The following DCC variants were observed in gnomAD, a reference collection of about 807,000 sequenced individuals.
DCC encodes netrin receptor DCC.
DCC carries 58 observed loss-of-function variants against 172.5 expected under a neutral mutation model. The ratio of observed to expected loss-of-function variants is 0.34; its 90% CI spans 0.27 to 0.42. The LOEUF (loss-of-function observed/expected upper bound fraction) is 0.42, where lower values mean the gene tolerates loss of function less well. DCC is among the 10% of genes least tolerant of loss of function. The pLI is 1.00. For missense variants in DCC, 1,740 were observed against 1,791.0 expected (o/e 0.97, Z 0.51); for synonymous variants, 709 against 644.5 (o/e 1.10, Z -1.52).
chr18:52,631,078 G>A (rs1399837630), intron 1 of DCC, among the ~76,000 whole-genome samples: 5 of 152,134 alleles, frequency 3.3e-5, no homozygotes, highest in Non-Finnish European at 7.4e-5. Flanking sequence ...CCTATTCGGA[G>A]GCCTACTTTT....
intron 1 of DCC, among the ~76,000 whole-genome samples, chr18:52,465,014 G>A (rs1483891454): frequency 6.6e-6 from 1 of 152,100 alleles, no homozygotes; most frequent in Non-Finnish European, 1.5e-5. Context: ...TTGACAGCAA[G>A]ATATTATTCT....
At chr18:52,910,195 A>G (rs2039951598) in intron 3 of DCC, among the ~76,000 whole-genome samples, 1 of 152,118 alleles carries the variant, frequency 6.6e-6, no homozygotes, top group Middle Eastern at 3.2e-3. Flanking sequence ...GAAACATATC[A>G]CATGTGGCTT....
intron 15 of DCC, among the ~76,000 whole-genome samples, chr18:53,364,247 G>A (rs2057977698): frequency 6.6e-6 from 1 of 152,128 alleles, no homozygotes; most frequent in South Asian, 2.1e-4. Flanking sequence ...GTCAAATTAG[G>A]GATGGAAATA....
intron 7 of DCC, among the ~76,000 whole-genome samples, chr18:53,076,611 G>A (rs767301861): frequency 6.6e-6 from 1 of 150,814 alleles, no homozygotes; most frequent in Non-Finnish European, 1.5e-5. Flanking sequence ...ATATAATGAG[G>A]GATTCCATGT....
At position 52,610,101 on chromosome 18, in the gene DCC, A is replaced by T. The variant is rs1332400842; in HGVS notation, c.92-141953A>T. Among the ~76,000 whole-genome samples, 3 of 136,568 alleles carry T rather than the reference A, an allele frequency of 2.2e-5. No homozygotes were observed. The Admixed American group carries it at 2.3e-4, about 10-fold the overall frequency. The allele number at this position is 136,568 out of a possible 152,430, so 89.6% of individuals were successfully genotyped here. A position where few individuals can be genotyped will look rare whatever the true frequency, so the allele number is the denominator to read the frequency against. Reference sequence around the variant, plus strand: ...TGCTGAGGCGGGTGGATCGCCTGAGATTAGGAGTTCTAGACCAACCTGGCC... The same window carrying T: ...TGCTGAGGCGGGTGGATCGCCTGAGTTTAGGAGTTCTAGACCAACCTGGCC... On this transcript the variant is annotated intron_variant, in intron 1 of 28. Transcript: ENST00000442544.
chr18:53,072,797 T>C (rs2042673621), intron 7 of DCC, among the ~76,000 whole-genome samples: 5 of 152,214 alleles, frequency 3.3e-5, no homozygotes, highest in Admixed American at 3.3e-4. Context: ...CATATTTGGC[T>C]GTGTGGTGGA....
chr18:52,918,936 CAA>C (rs1241907740), intron 3 of DCC, among the ~76,000 whole-genome samples: 1 of 152,074 alleles, frequency 6.6e-6, no homozygotes. Flanking sequence ...TTTAATGACT[CAA>C]AACAGTAATG....
chr18:53,107,739 A>G (rs1266944080), intron 7 of DCC, among the ~76,000 whole-genome samples: 2 of 151,798 alleles, frequency 1.3e-5, no homozygotes, highest in African/African-American at 2.4e-5. Context: ...CTGCCTCGTG[A>G]TGCTGTAAAG....
intron 7 of DCC, among the ~76,000 whole-genome samples, chr18:53,076,972 A>G (rs1167238418): frequency 6.6e-6 from 1 of 152,080 alleles, no homozygotes; most frequent in East Asian, 1.9e-4. Flanking sequence ...GTGCACCTTT[A>G]TGCCACCATT....
intron 22 of DCC, among the ~76,000 whole-genome samples, chr18:53,448,826 A>G (rs1436645189): frequency 2.6e-5 from 4 of 152,164 alleles, no homozygotes; most frequent in African/African-American, 7.2e-5. Context: ...GCACTCCAGC[A>G]TGGGTGATAG....
At chr18:52,698,432 G>A (rs2036047763) in intron 1 of DCC, among the ~76,000 whole-genome samples, 1 of 152,190 alleles carries the variant, frequency 6.6e-6, no homozygotes, top group Admixed American at 6.5e-5. Context: ...GGAAGGAGAA[G>A]AGAGGAGATT....
intron 8 of DCC, among the ~76,000 whole-genome samples, chr18:53,172,807 T>A (rs1401325662): frequency 6.6e-6 from 1 of 152,050 alleles, no homozygotes; most frequent in Non-Finnish European, 1.5e-5. Context: ...TCCAAAGAAG[T>A]TCCTTATTTT....
chr18:53,258,702 C>T (rs370226206), intron 12 of DCC, among the ~76,000 whole-genome samples: 19 of 150,518 alleles, frequency 1.3e-4, no homozygotes, highest in East Asian at 9.7e-4. Context: ...ATTTGGGGTA[C>T]GGAGTTCTGT....
intron 12 of DCC, among the ~76,000 whole-genome samples, chr18:53,231,473 C>T (rs1359492554): frequency 6.6e-6 from 1 of 152,080 alleles, no homozygotes; most frequent in East Asian, 1.9e-4. Context: ...AACAATGCAG[C>T]ACATACTAGC....
intron 1 of DCC, among the ~76,000 whole-genome samples, chr18:52,610,173 A>T (rs1598954457): frequency 1.3e-4 from 3 of 22,594 alleles, no homozygotes; most frequent in Non-Finnish European, 2.3e-4. Flanking sequence ...AAAAAAAAAA[A>T]AAAAAATATA....
chr18:52,518,405 A>C (rs1376130135), intron 1 of DCC, among the ~76,000 whole-genome samples: 1 of 152,228 alleles, frequency 6.6e-6, no homozygotes, highest in Non-Finnish European at 1.5e-5. Context: ...AAGCAAGAGA[A>C]ATATAAAAAG....
intron 1 of DCC, among the ~76,000 whole-genome samples, chr18:52,571,294 A>C (rs535892933): frequency 1.3e-3 from 192 of 152,192 alleles, no homozygotes; most frequent in Non-Finnish European, 2.3e-3. Context: ...AGGAGGGGTC[A>C]GAGAGTAGCC....
At chr18:53,431,239 G>C (rs1911588862) in intron 21 of DCC, among the ~76,000 whole-genome samples, 2 of 149,900 alleles carry the variant, frequency 1.3e-5, no homozygotes, top group Admixed American at 1.3e-4. Flanking sequence ...GGTAAAAGTA[G>C]AAAATCATTT....
At chr18:53,206,416 CATATATGT>C (rs1421536587) in intron 10 of DCC, among the ~76,000 whole-genome samples, 2 of 61,522 alleles carry the variant, frequency 3.3e-5, no homozygotes, top group Non-Finnish European at 5.6e-5. Flanking sequence ...TATTGTAACA[CATATATGT>C]ATATATGTAT....
Sources: allele counts gnomAD v4.1 joint callset (sites outside exome capture counted in the v4.1 genomes callset), GRCh38; gene constraint gnomAD v4.1.1; transcripts MANE v1.5; gene names NCBI Gene and HGNC (gene_info 2026-07-23, HGNC 2026-07-21).